FNDC3A: variants seen among roughly 807,000 people sequenced by gnomAD.
FNDC3A encodes the protein fibronectin type-III domain-containing protein 3A.
In FNDC3A, 32 loss-of-function variants were observed where a neutral mutation model predicts 148.9. The observed-to-expected ratio is 0.21, with a 90% confidence interval of 0.16 to 0.29. FNDC3A has a LOEUF of 0.29. Among genes scored for constraint, FNDC3A ranks in the 10% least tolerant of loss-of-function variants. FNDC3A has a pLI of 1.00. For synonymous variants in FNDC3A, 472 were observed against 473.6 expected, an observed-to-expected ratio of 1.00 and a Z score of 0.04; for missense variants, 1,191 against 1,452.8, an observed-to-expected ratio of 0.82 and a Z score of 2.93.
chr13:49,166,271 G>A (rs1262847167), intron 8 of FNDC3A, among the ~76,000 whole-genome samples: 1 of 152,188 alleles, frequency 6.6e-6, no homozygotes, highest in Non-Finnish European at 1.5e-5. Flanking sequence ...TTTGTCCTTG[G>A]AGTGCATGAA....
intron 11 of FNDC3A, among the ~76,000 whole-genome samples, chr13:49,173,277 A>G (rs565814956): frequency 1.3e-5 from 2 of 152,372 alleles, no homozygotes; most frequent in East Asian, 3.9e-4. Flanking sequence ...AAAGAATAAT[A>G]AAGCACAACC....
At chr13:49,113,090 G>A (rs916131389) in intron 3 of FNDC3A, among the ~76,000 whole-genome samples, 1 of 120,732 alleles carries the variant, frequency 8.3e-6, no homozygotes, top group Non-Finnish European at 1.6e-5. Flanking sequence ...TCTCCACATC[G>A]TTCCTCCTCC....
intron 7 of FNDC3A, among the ~76,000 whole-genome samples, chr13:49,145,414 T>C (rs1226261695): frequency 6.6e-6 from 1 of 152,226 alleles, no homozygotes; most frequent in Non-Finnish European, 1.5e-5. Context: ...CGATGTCCTT[T>C]GCTCATTTTT....
chr13:49,185,494 A>G (rs941409863), intron 14 of FNDC3A, among the ~76,000 whole-genome samples: 5 of 152,138 alleles, frequency 3.3e-5, no homozygotes, highest in Non-Finnish European at 7.4e-5. Context: ...AGTTACACAC[A>G]CCGTCATTTC....
intron 4 of FNDC3A, among the ~76,000 whole-genome samples, chr13:49,122,576 C>G (rs564970206): frequency 6.6e-6 from 1 of 152,278 alleles, no homozygotes; most frequent in South Asian, 2.1e-4. Flanking sequence ...TTGCAGATGA[C>G]ATGATTGTAT....
Position 49,141,945 on chromosome 13 carries a change from C to A in FNDC3A, c.819+3140C>A, listed in dbSNP as rs116874573. Among the ~76,000 whole-genome samples the A allele has an allele frequency of 5.5e-3, 830 of 152,190 alleles. 4 individuals carry two copies. Among genetic ancestry groups the A allele is most frequent in the Middle Eastern group, 0.027 (8 of 294 alleles). On this transcript the variant is annotated intron_variant, in intron 7 of 25. Coordinates refer to ENST00000492622, the MANE Select transcript of FNDC3A (RefSeq NM_001079673.2). The stretch of plus-strand genomic sequence containing the variant: ...ATAACTGAATTATTCAGGTCCTAGT[C>A]AATGGTTCTGTGACCTCTAGACAAG...
intron 8 of FNDC3A, among the ~76,000 whole-genome samples, chr13:49,164,018 C>G (rs1024036072): frequency 2.0e-5 from 3 of 152,036 alleles, no homozygotes; most frequent in African/African-American, 7.2e-5. Context: ...AGATATTGTC[C>G]CTTTGTTCCA....
chr13:49,088,429 C>T lies in FNDC3A; in HGVS notation c.175+13065C>T, dbSNP rs553490608. Among the ~76,000 whole-genome samples the T allele has an allele frequency of 7.2e-5, 11 of 152,232 alleles. No homozygotes were observed. In the South Asian group the frequency reaches 2.3e-3, roughly 32 times the overall value. ...ATTCTCATACTATGGGAAAATAATC[C>T]ATAACAGTAGTAACTATTGTGATCA... On this transcript the variant is annotated intron_variant, in intron 3 of 25. Transcript: ENST00000492622.
intron 4 of FNDC3A, among the ~76,000 whole-genome samples, chr13:49,125,255 G>T (rs1022483626): frequency 1.3e-5 from 2 of 152,250 alleles, no homozygotes; most frequent in East Asian, 3.8e-4. Flanking sequence ...CAGCCAAAAG[G>T]GATGGGCAGG....
rs777101705 is a variant in FNDC3A at position 49,174,398 on chromosome 13, A to G, written c.1231-37A>G. The G allele has an allele frequency of 9.6e-6, 15 of 1,555,588 alleles. No homozygotes were observed. In the African/African-American group the frequency reaches 1.6e-4, roughly 17 times the overall value. On this transcript the variant is annotated intron_variant, in intron 11 of 25. Coordinates refer to ENST00000492622, the MANE Select transcript of FNDC3A (RefSeq NM_001079673.2). ...GATGCGAATTTATCTTTTTACAGTA[A>G]TGTACATGGTATATAATAATCAGCC...
At chr13:49,190,667 T>C (rs1885838068) in intron 17 of FNDC3A, among the ~76,000 whole-genome samples, 1 of 152,212 alleles carries the variant, frequency 6.6e-6, no homozygotes, top group Admixed American at 6.5e-5. Flanking sequence ...ATGGATCCTT[T>C]TGGAGAAGAT....
chr13:49,091,871 A>G (rs1217422518), intron 3 of FNDC3A, among the ~76,000 whole-genome samples: 1 of 152,186 alleles, frequency 6.6e-6, no homozygotes, highest in South Asian at 2.1e-4. Flanking sequence ...TGCATAAACC[A>G]CTTTATGGCT....
At chr13:49,045,076 CCCTTTCCTTTCCCTTTCCCTTTG>C (rs1875270786) in intron 2 of FNDC3A, 2 of 197,120 alleles carry the variant, frequency 1.0e-5, no homozygotes, top group Admixed American at 6.8e-5. Context: ...CTTTCCCTTT[CCCTTTCCTTTCCCTTTCCCTTTG>C]CCTTTCCCTT....
chr13:49,148,990 C>T (rs2137976421), intron 8 of FNDC3A, among the ~76,000 whole-genome samples: 1 of 151,934 alleles, frequency 6.6e-6, no homozygotes, highest in Middle Eastern at 3.4e-3. Context: ...GCCTTTTGGG[C>T]TTCTTTCTCA....
chr13:49,079,861 C>T (rs1404440418), intron 3 of FNDC3A, among the ~76,000 whole-genome samples: 1 of 152,150 alleles, frequency 6.6e-6, no homozygotes, highest in East Asian at 1.9e-4. Context: ...GTCACCCAGG[C>T]TGGAGTGTAG....
At position 49,064,059 on chromosome 13, in the gene FNDC3A, G is replaced by A. The variant is rs546614481; in HGVS notation, c.100-11230G>A. ...AAAGGACATCAATAAATAGTCTGTG[G>A]AGGCCAGGCGTGGTGGCTCATGCCT... On this transcript the variant is annotated intron_variant, in intron 2 of 25. Transcript: ENST00000492622. Among the ~76,000 whole-genome samples the A allele has an allele frequency of 2.2e-3, 331 of 152,194 alleles. 1 individual carries two copies. The highest frequency in any genetic ancestry group is 7.6e-3 in the African/African-American group (316 of 41,524).
At chr13:49,036,145 A>G (rs1156828660) in intron 2 of FNDC3A, among the ~76,000 whole-genome samples, 1 of 152,184 alleles carries the variant, frequency 6.6e-6, no homozygotes, top group Non-Finnish European at 1.5e-5. Flanking sequence ...GGAAACTCAG[A>G]TAATTAGTTC....
At chr13:49,182,451 G>A (rs913995368) in intron 14 of FNDC3A, among the ~76,000 whole-genome samples, 2 of 152,028 alleles carry the variant, frequency 1.3e-5, no homozygotes, top group Admixed American at 6.6e-5. Context: ...TCAGAGCCGA[G>A]TGGCCAGTCC....
intron 4 of FNDC3A, among the ~76,000 whole-genome samples, chr13:49,128,102 G>A (rs533481361): frequency 3.9e-5 from 6 of 152,144 alleles, no homozygotes; most frequent in African/African-American, 1.2e-4. Context: ...GGCTGGTCTC[G>A]AACGCCTGAC....
Sources: allele counts gnomAD v4.1 joint callset (sites outside exome capture counted in the v4.1 genomes callset), GRCh38; gene constraint gnomAD v4.1.1; transcripts MANE v1.5; gene names NCBI Gene and HGNC (gene_info 2026-07-23, HGNC 2026-07-21).